The following FAT4 variants were observed in gnomAD, a reference collection of about 807,000 sequenced individuals.
FAT4 encodes FAT atypical cadherin 4.
FAT4 carries 84 observed loss-of-function variants against 303.9 expected under a neutral mutation model. The ratio of observed to expected loss-of-function variants is 0.28; its 90% CI spans 0.23 to 0.33. FAT4 has a LOEUF of 0.33. Among genes scored for constraint, FAT4 ranks in the 10% least tolerant of loss-of-function variants. The pLI is 1.00. For missense variants in FAT4, 6,005 were observed against 6,146.8 expected (o/e 0.98, Z 0.77); for synonymous variants, 2,307 against 2,298.8 (o/e 1.00, Z -0.10).
intron 2 of FAT4, among the ~76,000 whole-genome samples, chr4:125,352,660 A>C (rs2125979346): frequency 6.6e-6 from 1 of 151,890 alleles, no homozygotes; most frequent in African/African-American, 2.4e-5. Context: ...GGGCTTCCCT[A>C]ATTTCAGAGA....
chr4:125,418,215 T>C (rs1735148161), intron 7 of FAT4, among the ~76,000 whole-genome samples: 1 of 152,170 alleles, frequency 6.6e-6, no homozygotes, highest in African/African-American at 2.4e-5. Context: ...TATCAAAGTG[T>C]TTCAAAAAAA....
intron 2 of FAT4, among the ~76,000 whole-genome samples, chr4:125,334,656 A>T (rs1385236907): frequency 1.3e-5 from 2 of 152,214 alleles, no homozygotes; most frequent in Non-Finnish European, 2.9e-5. Flanking sequence ...TATTACTTTA[A>T]TACCAAAACC....
chr4:125,344,007 G>A (rs1329615598), intron 2 of FAT4, among the ~76,000 whole-genome samples: 1 of 152,104 alleles, frequency 6.6e-6, no homozygotes, highest in African/African-American at 2.4e-5. Flanking sequence ...TGAGCAGGAG[G>A]AGTGTATTAG....
intron 7 of FAT4, among the ~76,000 whole-genome samples, chr4:125,429,303 G>A (rs760452307): frequency 1.3e-5 from 2 of 152,094 alleles, no homozygotes; most frequent in African/African-American, 4.8e-5. Context: ...TACAGACAGA[G>A]CACAAGACCT....
chr4:125,374,418 T>C (rs186189567), intron 2 of FAT4, among the ~76,000 whole-genome samples: 30 of 152,312 alleles, frequency 2.0e-4, no homozygotes, highest in African/African-American at 7.2e-4. Context: ...GAGATTATTA[T>C]ATTCTTTGGA....
intron 2 of FAT4, among the ~76,000 whole-genome samples, chr4:125,338,521 G>C (rs551949757): frequency 6.6e-6 from 1 of 152,220 alleles, no homozygotes; most frequent in South Asian, 2.1e-4. Context: ...AAATATGCAT[G>C]GTTCAAAGGT....
chr4:125,385,824 T>TA (rs1267664885), intron 2 of FAT4, among the ~76,000 whole-genome samples: 2 of 152,090 alleles, frequency 1.3e-5, no homozygotes, highest in African/African-American at 4.8e-5. Context: ...AGTCAATTTT[T>TA]AAAAAAAATT....
chr4:125,338,679 A>G (rs1421047505), intron 2 of FAT4, among the ~76,000 whole-genome samples: 2 of 152,224 alleles, frequency 1.3e-5, no homozygotes, highest in East Asian at 3.9e-4. Context: ...TCACCAGCTG[A>G]TTACGGTAAC....
chr4:125,318,062 A>C lies in FAT4; in HGVS notation c.1651A>C (p.Asn551His). 2.5e-6 allele frequency: 4 copies of C among 1,614,136 alleles called. No homozygotes were observed. The highest frequency in any genetic ancestry group is 2.5e-6 in the Non-Finnish European group (3 of 1,180,020). ...TGAACTTGCTTCCCAGATTGTTCTGAATATAAGTGCCCGGGACCAGGGAGT... is the reference window on the plus strand; with the variant it reads ...TGAACTTGCTTCCCAGATTGTTCTGCATATAAGTGCCCGGGACCAGGGAGT... ...DRELASQIVL[N>H]ISARDQGVHP... The change falls in exon 2 of 18, where the codon AAT becomes CAT. Residue 551 changes from asparagine (N) to histidine (H), a missense_variant. Coordinates refer to ENST00000394329, the MANE Select transcript of FAT4 (RefSeq NM_001291303.3).
chr4:125,486,139 T>A (rs983758129), intron 16 of FAT4, among the ~76,000 whole-genome samples: 5 of 140,344 alleles, frequency 3.6e-5, no homozygotes, highest in Non-Finnish European at 8.0e-5. Context: ...GGAGAAGGCT[T>A]TTCCTTTTTT....
chr4:125,469,316 G>A (rs1285667126), intron 12 of FAT4, among the ~76,000 whole-genome samples: 1 of 152,218 alleles, frequency 6.6e-6, no homozygotes, highest in Non-Finnish European at 1.5e-5. Flanking sequence ...GAGCCAGGTA[G>A]TAGTGGCTGA....
At chr4:125,342,246 G>T (rs535212588) in intron 2 of FAT4, among the ~76,000 whole-genome samples, 1 of 151,792 alleles carries the variant, frequency 6.6e-6, no homozygotes, top group African/African-American at 2.4e-5. Flanking sequence ...ATTTCAGCAC[G>T]GTGATTGGTG....
At chr4:125,323,824 C>T (rs1025241625) in intron 2 of FAT4, among the ~76,000 whole-genome samples, 2 of 152,042 alleles carry the variant, frequency 1.3e-5, no homozygotes, top group Non-Finnish European at 1.5e-5. Flanking sequence ...GGACTTTGTC[C>T]AGCGCATTTT....
chr4:125,426,953 C>T (rs1253954634), intron 7 of FAT4, among the ~76,000 whole-genome samples: 1 of 151,706 alleles, frequency 6.6e-6, no homozygotes, highest in Non-Finnish European at 1.5e-5. Flanking sequence ...CTTTTTGAAA[C>T]AAACCTTTTT....
intron 5 of FAT4, among the ~76,000 whole-genome samples, 186 bp downstream of exon 5, chr4:125,408,980 C>A (rs1056369212): frequency 6.6e-6 from 1 of 151,982 alleles, no homozygotes; most frequent in Non-Finnish European, 1.5e-5. Flanking sequence ...CGGTTAAATT[C>A]TTATTTATAA....
intron 2 of FAT4, among the ~76,000 whole-genome samples, chr4:125,355,824 A>T (rs1732402410): frequency 6.6e-6 from 1 of 151,798 alleles, no homozygotes; most frequent in Non-Finnish European, 1.5e-5. Context: ...GACAAAGTTG[A>T]TTTGCAATTT....
chr4:125,491,039 A>T lies in FAT4; in HGVS notation c.14223A>T (p.Gln4741His). 1 of 1,614,190 alleles carries T rather than the reference A, an allele frequency of 6.2e-7. No homozygotes were observed. The highest frequency in any genetic ancestry group is 8.5e-7 in the Non-Finnish European group (1 of 1,180,048). ...TGGAAATGCATGGTGACACCTGCCAACCTGGCATTTTCAACTATGCCACAA... is the reference window on the plus strand; with the variant it reads ...TGGAAATGCATGGTGACACCTGCCATCCTGGCATTTTCAACTATGCCACAA... ...NTLEMHGDTC[Q>H]PGIFNYATRL... Residue 4741 changes from glutamine to histidine, a missense_variant, in exon 18 of 18, where the codon CAA becomes CAT. By Grantham distance (24) the Gln-to-His change is conservative. Coordinates refer to ENST00000394329, the MANE Select transcript of FAT4 (RefSeq NM_001291303.3).
At chr4:125,337,233 A>G (rs551051419) in intron 2 of FAT4, among the ~76,000 whole-genome samples, 2 of 152,200 alleles carry the variant, frequency 1.3e-5, no homozygotes, top group East Asian at 1.9e-4. Context: ...ATTATAGTGA[A>G]TTTTTAAACT....
intron 2 of FAT4, among the ~76,000 whole-genome samples, chr4:125,336,955 A>G (rs1731600869): frequency 6.6e-6 from 1 of 152,008 alleles, no homozygotes; most frequent in Non-Finnish European, 1.5e-5. Context: ...CAACAACTCT[A>G]GAAGGTAAGT....
Sources: gnomAD v4.1 joint callset for allele counts (sites outside exome capture counted in the v4.1 genomes callset) on GRCh38, gnomAD v4.1.1 for gene constraint, MANE v1.5 for transcripts, NCBI Gene and HGNC (gene_info 2026-07-23, HGNC 2026-07-21) for gene names.